ERLIN2: variants seen among roughly 807,000 people sequenced by gnomAD.
ERLIN2 encodes the protein ER lipid raft associated 2.
ERLIN2 carries 22 observed loss-of-function variants against 41.5 expected under a neutral mutation model. That is an observed-to-expected ratio of 0.53 (90% CI 0.38 to 0.76). The LOEUF is 0.76. Ranked by LOEUF, ERLIN2 falls within the 30% of genes least tolerant of loss-of-function variation. ERLIN2 has a pLI of 0.00. For missense variants in ERLIN2, 247 were observed against 414.3 expected (o/e 0.60, Z 3.51); for synonymous variants, 149 against 150.9 (o/e 0.99, Z 0.09).
chr8:37,750,877 C>T lies in ERLIN2; in HGVS notation c.649+391C>T, dbSNP rs184595859. Among the ~76,000 whole-genome samples, 19 of 152,104 alleles carry T rather than the reference C, an allele frequency of 1.2e-4. 1 individual carries two copies. Among genetic ancestry groups the T allele is most frequent in the African/African-American group, 3.1e-4 (13 of 41,512 alleles). ...GCTGGGATTACAGCGGGTGCCGGCA[C>T]GCCTGGCTAATTTTTGTATTTTTAG... On this transcript the variant is annotated intron_variant, in intron 9 of 11. Coordinates refer to ENST00000519638, the MANE Select transcript of ERLIN2 (RefSeq NM_007175.8).
rs1802708558 is a variant in ERLIN2, at chr8:37,737,894, T to C, written c.-15-14T>C. On this transcript the variant is annotated splice_polypyrimidine_tract_variant and intron_variant, in intron 1 of 11. Transcript: ENST00000519638. The stretch of plus-strand genomic sequence containing the variant: ...ACGTTGGACCACACACATTTTCCCG[T>C]GTCTTTTCCCTAGGATAAAGGCTCA... 2 of 1,613,888 alleles carry C rather than the reference T, an allele frequency of 1.2e-6. No individual in the cohort carries two copies. The highest frequency in any genetic ancestry group is 1.3e-5 in the African/African-American group (1 of 75,052).
intron 9 of ERLIN2, among the ~76,000 whole-genome samples, 190 bp downstream of exon 9, chr8:37,750,676 G>C (rs1803197948): frequency 1.3e-5 from 2 of 152,066 alleles, no homozygotes; most frequent in African/African-American, 2.4e-5. Flanking sequence ...TGAGTTTTTT[G>C]AGTTTCCACT....
Position 37,744,617 on chromosome 8 carries a change from C to T in ERLIN2, c.345C>T (p.Leu115=), listed in dbSNP as rs1001386205. 4.3e-6 allele frequency: 7 copies of T among 1,613,920 alleles called. No homozygotes were observed. The highest frequency in any genetic ancestry group is 5.1e-6 in the Non-Finnish European group (6 of 1,179,908). The part of the protein sequence containing the change: ...KNYTADYDKA[L]IFNKIHHELN... ...ATACTGCTGACTATGACAAGGCCCT[C>T]ATCTTCAACAAGATCCACCACGAAC... The change falls in exon 6 of 12, where the codon CTC becomes CTT. Residue 115 remains leucine (L), a synonymous_variant. Coordinates refer to ENST00000519638, the MANE Select transcript of ERLIN2 (RefSeq NM_007175.8).
chr8:37,749,750 C>G (rs759067154), intron 7 of ERLIN2, 44 bp from the exon 8 acceptor site: 1 of 1,598,866 alleles, frequency 6.3e-7, no homozygotes, highest in East Asian at 2.2e-5. Flanking sequence ...GTGTCCCTCA[C>G]TACCCTCACT....
chr8:37,736,704 G>T, intron 1 of ERLIN2, 26 bp downstream of exon 1: 1 of 985,658 alleles, frequency 1.0e-6, no homozygotes, highest in Non-Finnish European at 1.2e-6. Flanking sequence ...CCCTTCGTGC[G>T]CGCGCTGGGC....
chr8:37,753,868 T>G (rs752607083), intron 11 of ERLIN2, 47 bp from the exon 12 acceptor site: 14 of 1,549,776 alleles, frequency 9.0e-6, no homozygotes, highest in Non-Finnish European at 1.2e-5. Context: ...CCTCCTTCTC[T>G]AATATGGTTC....
At chr8:37,750,071 C>G (rs1049071876) in intron 8 of ERLIN2, 2 of 643,128 alleles carry the variant, frequency 3.1e-6, no homozygotes, top group Non-Finnish European at 5.6e-6. Flanking sequence ...TGTAGAGCAG[C>G]GATGTTTTGA....
intron 6 of ERLIN2, chr8:37,746,174 G>A (rs775841034): frequency 8.1e-6 from 8 of 988,256 alleles, no homozygotes; most frequent in Non-Finnish European, 9.6e-6. Context: ...CATAAAGGAG[G>A]AGCTCATGTC....
At chr8:37,752,522 T>A (rs572689880) in intron 10 of ERLIN2, among the ~76,000 whole-genome samples, 1 of 152,298 alleles carries the variant, frequency 6.6e-6, no homozygotes, top group Admixed American at 6.5e-5. Flanking sequence ...CAAATACATG[T>A]CATCAAGTGC....
Position 37,756,721 on chromosome 8 carries a change from C to G in ERLIN2, c.*2606C>G, listed in dbSNP as rs910081026. 6.6e-6 allele frequency: 1 copy of G among 152,596 alleles called. No individual in the cohort carries two copies. Among genetic ancestry groups the G allele is most frequent in the Non-Finnish European group, 1.5e-5 (1 of 68,028 alleles). 9.5% of individuals were successfully genotyped at this position (152,596 alleles called of 1,614,324 possible). A position where few individuals can be genotyped will look rare whatever the true frequency, so the allele number is the denominator to read the frequency against. On this transcript the variant is annotated 3_prime_UTR_variant, in exon 12 of 12. Coordinates refer to ENST00000519638, the MANE Select transcript of ERLIN2 (RefSeq NM_007175.8). ...TTTATTTTAACTCTTACTAGAAAATCTAATCTTAAAACATTTGAATTCTAA... is the reference window on the plus strand; with the variant it reads ...TTTATTTTAACTCTTACTAGAAAATGTAATCTTAAAACATTTGAATTCTAA...
chr8:37,749,974 C>T, intron 8 of ERLIN2, 122 bp downstream of exon 8: 1 of 884,872 alleles, frequency 1.1e-6, no homozygotes, highest in Non-Finnish European at 1.9e-6. Flanking sequence ...GGATTTGCTA[C>T]AGCCCATTGC....
At chr8:37,742,490 C>T (rs921731667) in intron 4 of ERLIN2, among the ~76,000 whole-genome samples, 1 of 23,510 alleles carries the variant, frequency 4.3e-5, no homozygotes, top group Non-Finnish European at 7.7e-5. Flanking sequence ...GGAACAAGAT[C>T]ATGTCCTTTG....
chr8:37,742,734 A>C (rs904203726), intron 4 of ERLIN2, among the ~76,000 whole-genome samples: 1 of 152,222 alleles, frequency 6.6e-6, no homozygotes, highest in Non-Finnish European at 1.5e-5. Flanking sequence ...TGATGGGATG[A>C]TCTGAGCAGC....
chr8:37,747,736 C>T (rs759290074), intron 6 of ERLIN2: 2 of 1,593,682 alleles, frequency 1.3e-6, no homozygotes, highest in Non-Finnish European at 1.7e-6. Flanking sequence ...ACATTTCTTT[C>T]TGTACTGTAG....
rs571840814 is a variant in ERLIN2, at chr8:37,757,159, A to T, written c.*3044A>T. 23 of 152,310 alleles carry T rather than the reference A, an allele frequency of 1.5e-4. No homozygotes were observed. The highest frequency in any genetic ancestry group is 5.5e-4 in the African/African-American group (23 of 41,564). 9.4% of individuals were successfully genotyped at this position (152,310 alleles called of 1,614,324 possible). On this transcript the variant is annotated 3_prime_UTR_variant, in exon 12 of 12. Coordinates refer to ENST00000519638, the MANE Select transcript of ERLIN2 (RefSeq NM_007175.8). Reference sequence around the variant, plus strand: ...GGTTCTATGTATCTTTCAAACCGATACCTTTACTATTTAAAGAGCGTAAAT... The same window carrying T: ...GGTTCTATGTATCTTTCAAACCGATTCCTTTACTATTTAAAGAGCGTAAAT...
rs1037123480 is a variant in ERLIN2 at position 37,737,730 on chromosome 8, G to A, written c.-15-178G>A. On this transcript the variant is annotated intron_variant, in intron 1 of 11. Coordinates refer to ENST00000519638, the MANE Select transcript of ERLIN2 (RefSeq NM_007175.8). ...GGCTCTAATTTTACAGTTAAAGAAA[G>A]GGGAACGTTGACTGAGAACGAGGAG... 1.7e-5 allele frequency: 11 copies of A among 663,144 alleles called. No homozygotes were observed. In the African/African-American group the frequency reaches 2.0e-4, roughly 12 times the overall value. 41.1% of individuals were successfully genotyped at this position (663,144 alleles called of 1,614,324 possible).
intron 6 of ERLIN2, chr8:37,745,913 G>T (rs1803031016): frequency 1.7e-6 from 2 of 1,162,940 alleles, no homozygotes; most frequent in East Asian, 4.8e-5. Flanking sequence ...CTTAGGACTT[G>T]TGACATTACA....
At chr8:37,738,181 A>G (rs534635330) in intron 2 of ERLIN2, 152 bp downstream of exon 2, 1 of 813,194 alleles carries the variant, frequency 1.2e-6, no homozygotes, top group South Asian at 1.4e-5. Context: ...GTCAGTAACC[A>G]CGGGAAAGAG....
At chr8:37,745,914 T>C in intron 6 of ERLIN2, 1 of 1,156,674 alleles carries the variant, frequency 8.6e-7, no homozygotes, top group Middle Eastern at 3.8e-4. Context: ...TTAGGACTTG[T>C]GACATTACAT....
Sources: gnomAD v4.1 joint callset for allele counts (sites outside exome capture counted in the v4.1 genomes callset) on GRCh38, gnomAD v4.1.1 for gene constraint, MANE v1.5 for transcripts, NCBI Gene and HGNC (gene_info 2026-07-23, HGNC 2026-07-21) for gene names.